Variants in RAD51B observed in about 807,000 individuals in gnomAD.
RAD51B encodes RAD51 paralog B.
Under a neutral mutation model 42.2 loss-of-function variants are expected in RAD51B, and 38 were observed. The ratio of observed to expected loss-of-function variants is 0.90; its 90% confidence interval spans 0.70 to 1.18. The LOEUF is 1.18. Among genes scored for constraint, RAD51B ranks in the 50% most tolerant of loss-of-function variants. RAD51B has a pLI of 0.00. For missense variants in RAD51B, 373 were observed against 400.7 expected, an observed-to-expected ratio of 0.93 and a Z score of 0.59; for synonymous variants, 154 against 145.2, an observed-to-expected ratio of 1.06 and a Z score of -0.43.
chr14:68,177,136 C>T (rs2078977311), intron 7 of RAD51B, among the ~76,000 whole-genome samples: 1 of 152,200 alleles, frequency 6.6e-6, no homozygotes, highest in South Asian at 2.1e-4. Context: ...AAGACTGACA[C>T]TGAGTGTACA....
intron 7 of RAD51B, among the ~76,000 whole-genome samples, chr14:68,186,913 A>T (rs1428127121): frequency 6.6e-6 from 1 of 152,136 alleles, no homozygotes; most frequent in Non-Finnish European, 1.5e-5. Flanking sequence ...ACATACATAT[A>T]CTCACATGTT....
chr14:68,605,846 T>G (rs962885503), intron 10 of RAD51B, among the ~76,000 whole-genome samples: 3 of 152,178 alleles, frequency 2.0e-5, no homozygotes, highest in Non-Finnish European at 2.9e-5. Flanking sequence ...TCTGCACCCT[T>G]TCTTTAGCTG....
At chr14:67,835,002 A>C in intron 3 of RAD51B, 78 bp from the exon 4 acceptor site, 1 of 1,134,706 alleles carries the variant, frequency 8.8e-7, no homozygotes, top group Non-Finnish European at 1.3e-6. Context: ...AATTGCTAAA[A>C]TTTAGAGAAT....
At chr14:68,563,424 C>G in intron 10 of RAD51B, 1 of 985,376 alleles carries the variant, frequency 1.0e-6, no homozygotes, top group Non-Finnish European at 1.2e-6. Flanking sequence ...AGTTATTTAC[C>G]CAAAGAAAAC....
chr14:68,608,302 G>A (rs887574353), intron 10 of RAD51B, among the ~76,000 whole-genome samples: 5 of 152,198 alleles, frequency 3.3e-5, no homozygotes, highest in Admixed American at 2.6e-4. Flanking sequence ...CGAGTGGGGC[G>A]TCCAGCTGTG....
intron 7 of RAD51B, among the ~76,000 whole-genome samples, chr14:68,012,457 G>A (rs1236768875): frequency 6.6e-6 from 1 of 152,020 alleles, no homozygotes; most frequent in African/African-American, 2.4e-5. Flanking sequence ...TAGAGAGAGC[G>A]AGAGAGGAGA....
At chr14:67,926,063 C>A (rs1176447738) in intron 7 of RAD51B, among the ~76,000 whole-genome samples, 1 of 152,172 alleles carries the variant, frequency 6.6e-6, no homozygotes, top group Admixed American at 6.5e-5. Flanking sequence ...CTCTGACATG[C>A]CTTAGAGACA....
At chr14:68,320,102 C>T (rs1398282959) in intron 8 of RAD51B, among the ~76,000 whole-genome samples, 2 of 152,154 alleles carry the variant, frequency 1.3e-5, no homozygotes, top group Admixed American at 6.5e-5. Context: ...TCCACTTTTC[C>T]TCTCCCTCCC....
intron 7 of RAD51B, among the ~76,000 whole-genome samples, chr14:68,141,365 A>G (rs2078123943): frequency 6.6e-6 from 1 of 152,144 alleles, no homozygotes; most frequent in Non-Finnish European, 1.5e-5. Context: ...AATAATTTTT[A>G]TATTCTTAAA....
At chr14:68,318,899 A>G (rs1268957684) in intron 8 of RAD51B, among the ~76,000 whole-genome samples, 1 of 152,258 alleles carries the variant, frequency 6.6e-6, no homozygotes, top group Admixed American at 6.5e-5. Context: ...GGCCTTGGCT[A>G]GGAAAGCTAA....
intron 7 of RAD51B, among the ~76,000 whole-genome samples, chr14:68,052,971 C>G (rs1049876776): frequency 6.6e-6 from 1 of 152,078 alleles, no homozygotes; most frequent in African/African-American, 2.4e-5. Context: ...CTTATCCTGC[C>G]TCTTTTAGTT....
chr14:68,100,236 A>G (rs1314314726), intron 7 of RAD51B, among the ~76,000 whole-genome samples: 2 of 152,232 alleles, frequency 1.3e-5, no homozygotes, highest in South Asian at 2.1e-4. Flanking sequence ...ATTAGAAAAA[A>G]GTGGCTTTAA....
At chr14:68,124,615 G>A (rs1426412409) in intron 7 of RAD51B, among the ~76,000 whole-genome samples, 4 of 152,108 alleles carry the variant, frequency 2.6e-5, no homozygotes, top group Non-Finnish European at 5.9e-5. Context: ...AAAGAAGACA[G>A]GTTTTCTTAT....
chr14:68,072,071 A>AT lies in RAD51B; in HGVS notation c.756+184868dup, dbSNP rs1566622900. Among the ~76,000 whole-genome samples, 322 of 87,256 alleles carry AT rather than the reference A, an allele frequency of 3.7e-3. 5 individuals are homozygous for AT. Among genetic ancestry groups the AT allele is most frequent in the African/African-American group, 9.6e-3 (124 of 12,908 alleles). The allele number at this position is 87,256 out of a possible 152,430, so 57.2% of individuals were successfully genotyped here. On this transcript the variant is annotated intron_variant, in intron 7 of 10. Coordinates refer to ENST00000471583, the MANE Select transcript of RAD51B (RefSeq NM_133510.4). ...TATATAATTATATATATTTATATAA[A>AT]TATATAAATATATATAAATATATAA...
intron 7 of RAD51B, among the ~76,000 whole-genome samples, chr14:67,942,753 A>G (rs1278326559): frequency 1.3e-5 from 2 of 152,236 alleles, no homozygotes; most frequent in African/African-American, 2.4e-5. Flanking sequence ...CTTAAGACAA[A>G]GAACATTTAT....
chr14:67,946,362 G>T (rs114230139), intron 7 of RAD51B, among the ~76,000 whole-genome samples: 10,234 of 151,402 alleles, frequency 0.068, 826 homozygotes, highest in African/African-American at 0.2. Flanking sequence ...CTTTTTTGTT[G>T]TTGTTGTTGT....
At chr14:67,936,876 T>G (rs2044974467) in intron 7 of RAD51B, among the ~76,000 whole-genome samples, 1 of 152,222 alleles carries the variant, frequency 6.6e-6, no homozygotes, top group African/African-American at 2.4e-5. Flanking sequence ...TTTGTATATC[T>G]CTTTTGGAGA....
At chr14:68,585,546 C>T (rs1443278548) in intron 10 of RAD51B, among the ~76,000 whole-genome samples, 1 of 152,152 alleles carries the variant, frequency 6.6e-6, no homozygotes, top group Non-Finnish European at 1.5e-5. Flanking sequence ...AAGGGAGCAA[C>T]AAACTAGAAG....
chr14:68,026,071 T>A (rs528077762), intron 7 of RAD51B, among the ~76,000 whole-genome samples: 1 of 152,148 alleles, frequency 6.6e-6, no homozygotes, highest in South Asian at 2.1e-4. Context: ...ATTATTATCA[T>A]TTTTTTATTT....
Sources: gnomAD v4.1 joint callset for allele counts (sites outside exome capture counted in the v4.1 genomes callset) on GRCh38, gnomAD v4.1.1 for gene constraint, MANE v1.5 for transcripts, NCBI Gene and HGNC (gene_info 2026-07-23, HGNC 2026-07-21) for gene names.